ZNF729: variants seen among roughly 807,000 people sequenced by gnomAD.
ZNF729 encodes the protein zinc finger protein 729.
In ZNF729, 15 loss-of-function variants were observed where a neutral mutation model predicts 12.2. That is an observed-to-expected ratio of 1.23 (90% CI 0.82 to 1.89). The LOEUF is 1.89. ZNF729 is among the 40% of genes most tolerant of loss of function. The probability of loss-of-function intolerance (pLI) is 0.00; values close to 1 mark genes in which losing one functional copy is unlikely to be tolerated. For synonymous variants in ZNF729, 492 were observed against 476.3 expected, an observed-to-expected ratio of 1.03 and a Z score of -0.43; for missense variants, 1,540 against 1,456.7, an observed-to-expected ratio of 1.06 and a Z score of -0.93.
At position 22,303,981 on chromosome 19, in the gene ZNF729, A is replaced by T. The variant is rs190011558; in HGVS notation, c.157+97A>T. 185 of 1,272,352 alleles carry T rather than the reference A, an allele frequency of 1.5e-4. No individual in the cohort carries two copies. In the East Asian group the frequency reaches 5.3e-3, roughly 36 times the overall value. 78.8% of individuals were successfully genotyped at this position (1,272,352 alleles called of 1,614,324 possible). ...TTTTGGTGATTTATGCTTACTATAAATGAGTTTCACATCCCTGTTTTCTGG... is the reference window on the plus strand; with the variant it reads ...TTTTGGTGATTTATGCTTACTATAATTGAGTTTCACATCCCTGTTTTCTGG... On this transcript the variant is annotated intron_variant, in intron 2 of 3. Coordinates refer to ENST00000601693, the MANE Select transcript of ZNF729 (RefSeq NM_001242680.2).
chr19:22,286,618 G>T (rs1968081451), intron 1 of ZNF729, 63 bp downstream of exon 1: 1 of 1,605,456 alleles, frequency 6.2e-7, no homozygotes, highest in African/African-American at 1.3e-5. Context: ...GGTGGGAAGT[G>T]GCTGTGGCGG....
At position 22,293,494 on chromosome 19, in the gene ZNF729, A is replaced by ATTTTTT. The variant is rs56180581; in HGVS notation, c.30+6951_30+6956dup. ...AGCCACCACTCCTAGCCTTTTGTCT[A>ATTTTTT]TTTTTTTTTTTTTTTTTGAGACAGT... On this transcript the variant is annotated intron_variant, in intron 1 of 3. Transcript: ENST00000601693. Among the ~76,000 whole-genome samples the ATTTTTT allele has an allele frequency of 5.2e-5, 5 of 96,066 alleles. 1 individual carries two copies. The highest frequency in any genetic ancestry group is 1.3e-4 in the African/African-American group (3 of 23,624). The allele number at this position is 96,066 out of a possible 152,430, so 63.0% of individuals were successfully genotyped here.
chr19:22,303,709 C>T (rs1400419264), intron 1 of ZNF729, 49 bp from the exon 2 acceptor site: 3 of 1,480,342 alleles, frequency 2.0e-6, no homozygotes, highest in African/African-American at 1.4e-5. Flanking sequence ...AAAATTTCTG[C>T]CCATGGCCAC....
At position 22,286,506 on chromosome 19, in the gene ZNF729, T is replaced by C. The variant is rs1173463142; in HGVS notation, c.-20T>C. The C allele has an allele frequency of 8.1e-6, 13 of 1,612,898 alleles. No individual in the cohort carries two copies. The Admixed American group carries it at 1.5e-4, about 19-fold the overall frequency. On this transcript the variant is annotated 5_prime_UTR_variant, in exon 1 of 4. Coordinates refer to ENST00000601693, the MANE Select transcript of ZNF729 (RefSeq NM_001242680.2). ...CTCTGTGGCCCTGTAACCTGCGGCA[T>C]TGGAAGATCCACAGCTAACATGCCA...
In ZNF729 at chr19:22,316,896, A is replaced by G; in HGVS notation, c.3479A>G (p.Tyr1160Cys). 6.2e-7 allele frequency: 1 copy of G among 1,613,064 alleles called. No homozygotes were observed. The highest frequency in any genetic ancestry group is 1.3e-5 in the African/African-American group (1 of 75,042). ...ATAATTCATTCTGTAGAGAAACCCT[A>G]CAAATGTGAAGAATGTGGCAAAGCC... ...HKIIHSVEKP[Y>C]KCEECGKAFN... The change falls in exon 4 of 4, where the codon TAC (tyrosine) becomes TGC (cysteine). Residue 1160 changes from tyrosine to cysteine, a missense_variant. Tyr to Cys is a radical substitution (Grantham distance 194). Coordinates refer to ENST00000601693, the MANE Select transcript of ZNF729 (RefSeq NM_001242680.2).
Position 22,317,104 on chromosome 19 carries a change from C to A in ZNF729, c.3687C>A (p.His1229Gln), listed in dbSNP as rs761286225. ...TACCAAAGCTTTTAAGCAATCCTCACACCTTACTAGACAAAACAATTCATA... is the reference window on the plus strand; with the variant it reads ...TACCAAAGCTTTTAAGCAATCCTCAAACCTTACTAGACAAAACAATTCATA... ...KKVPKLLSNPHTLLDKTIHTG... is the reference protein window; with the variant it reads ...KKVPKLLSNPQTLLDKTIHTG... The change falls in exon 4 of 4, where the codon CAC (histidine) becomes CAA (glutamine). Residue 1229 changes from histidine (H) to glutamine (Q), a missense_variant. Coordinates refer to ENST00000601693, the MANE Select transcript of ZNF729 (RefSeq NM_001242680.2). The A allele has an allele frequency of 3.3e-5, 53 of 1,600,986 alleles. No individual in the cohort carries two copies. The South Asian group carries it at 5.2e-4, about 16-fold the overall frequency.
intron 1 of ZNF729, among the ~76,000 whole-genome samples, chr19:22,295,666 C>T (rs1968221968): frequency 6.6e-6 from 1 of 152,152 alleles, no homozygotes; most frequent in Admixed American, 6.5e-5. Flanking sequence ...TCCCAAAGTG[C>T]TAGGATTACA....
Position 22,286,499 on chromosome 19 carries a change from T to A in ZNF729, c.-27T>A. On this transcript the variant is annotated 5_prime_UTR_variant, in exon 1 of 4. Transcript: ENST00000601693. Reference sequence around the variant, plus strand: ...CCTCAGCCTCTGTGGCCCTGTAACCTGCGGCATTGGAAGATCCACAGCTAA... The same window carrying A: ...CCTCAGCCTCTGTGGCCCTGTAACCAGCGGCATTGGAAGATCCACAGCTAA... 1 of 1,612,478 alleles carries A rather than the reference T, an allele frequency of 6.2e-7. No homozygotes were observed. Among genetic ancestry groups the A allele is most frequent in the South Asian group, 1.1e-5 (1 of 90,972 alleles).
intron 3 of ZNF729, among the ~76,000 whole-genome samples, chr19:22,307,742 A>C (rs1335566818): frequency 7.9e-6 from 1 of 127,180 alleles, no homozygotes; most frequent in African/African-American, 3.8e-5. Flanking sequence ...AAACTCCATC[A>C]AAAAAAAAAA....
At chr19:22,294,145 A>G (rs1312414979) in intron 1 of ZNF729, among the ~76,000 whole-genome samples, 2 of 152,172 alleles carry the variant, frequency 1.3e-5, no homozygotes, top group African/African-American at 2.4e-5. Flanking sequence ...TGATTTTTGT[A>G]TATGATGTAA....
chr19:22,305,243 C>A (rs1244606174), intron 3 of ZNF729, among the ~76,000 whole-genome samples: 1 of 152,138 alleles, frequency 6.6e-6, no homozygotes, highest in Non-Finnish European at 1.5e-5. Flanking sequence ...GAAACAGATA[C>A]AGGCACACAC....
rs1968514963 is a variant in ZNF729 at position 22,315,253 on chromosome 19, C to T, written c.1836C>T (p.Ser612=). ...AATGTGGCAAAGCTTTTAACAATTC[C>T]TCAATCCTTGCTAAACATAAGATAA... ...CEECGKAFNN[S]SILAKHKIIH... Residue 612 remains serine (S), a synonymous_variant, in exon 4 of 4, where the codon TCC becomes TCT. Transcript: ENST00000601693. The T allele has an allele frequency of 1.2e-6, 2 of 1,612,074 alleles. No individual in the cohort carries two copies. Among genetic ancestry groups the T allele is most frequent in the South Asian group, 1.1e-5 (1 of 91,000 alleles).
chr19:22,287,841 A>G (rs1446514744), intron 1 of ZNF729, among the ~76,000 whole-genome samples: 1 of 142,482 alleles, frequency 7.0e-6, no homozygotes, highest in Admixed American at 7.2e-5. Flanking sequence ...TCACATTACT[A>G]TTTGTCCTTT....
chr19:22,286,875 C>A (rs1323684642), intron 1 of ZNF729, among the ~76,000 whole-genome samples: 1 of 152,204 alleles, frequency 6.6e-6, no homozygotes, highest in Non-Finnish European at 1.5e-5. Flanking sequence ...AGAATCCTGA[C>A]TCCGGATGCG....
intron 3 of ZNF729, among the ~76,000 whole-genome samples, chr19:22,308,505 C>G (rs1968412255): frequency 6.6e-6 from 1 of 152,010 alleles, no homozygotes; most frequent in African/African-American, 2.4e-5. Flanking sequence ...GAAGTGTTCC[C>G]TGATCACCAC....
chr19:22,312,017 C>A (rs1448914924), intron 3 of ZNF729, among the ~76,000 whole-genome samples: 1 of 151,788 alleles, frequency 6.6e-6, no homozygotes, highest in Non-Finnish European at 1.5e-5. Context: ...CCCTTATAAA[C>A]CTCTTGTTTA....
In ZNF729 at chr19:22,317,158, A is replaced by C. The variant is rs1263508883; in HGVS notation, c.3741A>C (p.Glu1247Asp). The C allele has an allele frequency of 3.8e-6, 6 of 1,598,280 alleles. No individual in the cohort carries two copies. The Admixed American group carries it at 1.0e-4, about 28-fold the overall frequency. Residue 1247 changes from glutamate (E) to aspartate (D), a missense_variant, in exon 4 of 4, where the codon GAA becomes GAC. Transcript: ENST00000601693. The part of the protein sequence containing the change: ...HTGEKPYKCE[E>D]CAKAF ...GAGAGAAACCCTACAAATGTGAAGA[A>C]TGTGCCAAAGCTTTTTAACCATCCT...
intron 3 of ZNF729, among the ~76,000 whole-genome samples, chr19:22,310,864 T>A (rs2145055687): frequency 6.6e-6 from 1 of 152,272 alleles, no homozygotes; most frequent in Admixed American, 6.5e-5. Context: ...CATTTCAGTC[T>A]CGCTGCTTGT....
At chr19:22,306,364 G>C (rs990902379) in intron 3 of ZNF729, among the ~76,000 whole-genome samples, 2 of 151,500 alleles carry the variant, frequency 1.3e-5, no homozygotes, top group East Asian at 3.9e-4. Context: ...AGTTGAACCC[G>C]GAGGTGCAGG....
Sources: allele counts gnomAD v4.1 joint callset (sites outside exome capture counted in the v4.1 genomes callset), GRCh38; gene constraint gnomAD v4.1.1; transcripts MANE v1.5; gene names NCBI Gene and HGNC (gene_info 2026-07-23, HGNC 2026-07-21).